TMEFF2: variants seen among roughly 807,000 people sequenced by gnomAD.
TMEFF2 encodes the protein tomoregulin-2.
In TMEFF2, 28 loss-of-function variants were observed where a neutral mutation model predicts 53.8. The observed-to-expected ratio is 0.52, with a 90% CI of 0.39 to 0.71. The LOEUF is 0.71. Ranked by LOEUF, TMEFF2 falls within the 30% of genes least tolerant of loss-of-function variation. The pLI is 0.00. For missense variants in TMEFF2, 353 were observed against 455.2 expected (o/e 0.78, Z 2.04); for synonymous variants, 162 against 166.3 (o/e 0.97, Z 0.20).
chr2:192,073,392 C>CA (rs1688335526), intron 4 of TMEFF2, among the ~76,000 whole-genome samples: 1 of 151,688 alleles, frequency 6.6e-6, no homozygotes, highest in Admixed American at 6.6e-5. Flanking sequence ...ACATATACTA[C>CA]ACATCAGTTT....
chr2:192,123,737 C>T (rs139302723), intron 4 of TMEFF2, among the ~76,000 whole-genome samples: 124 of 152,218 alleles, frequency 8.1e-4, no homozygotes, highest in Non-Finnish European at 1.5e-3. Flanking sequence ...TAAATTAGTC[C>T]TCTGAGTTAT....
At chr2:191,964,271 T>C (rs200066839) in intron 7 of TMEFF2, among the ~76,000 whole-genome samples, 3 of 130,080 alleles carry the variant, frequency 2.3e-5, no homozygotes, top group Non-Finnish European at 4.8e-5. Context: ...TTTCTTTTCT[T>C]TTTTCTTTTC....
chr2:191,999,385 A>T (rs1168506923), intron 5 of TMEFF2, among the ~76,000 whole-genome samples, 177 bp from the exon 6 acceptor site: 1 of 149,750 alleles, frequency 6.7e-6, no homozygotes, highest in East Asian at 2.0e-4. Flanking sequence ...ACACAGAACT[A>T]ATGGAAAATA....
intron 4 of TMEFF2, among the ~76,000 whole-genome samples, chr2:192,107,023 T>C (rs1689165665): frequency 2.0e-5 from 3 of 151,660 alleles, no homozygotes; most frequent in Admixed American, 1.3e-4. Flanking sequence ...CAGAGTAAAA[T>C]GTACGGTTTA....
At chr2:191,977,105 G>A (rs1559069242) in intron 7 of TMEFF2, among the ~76,000 whole-genome samples, 1 of 152,200 alleles carries the variant, frequency 6.6e-6, no homozygotes, top group Non-Finnish European at 1.5e-5. Context: ...ATTCTCAGAG[G>A]AAGGCTATCT....
chr2:192,091,578 A>G (rs1374706498), intron 4 of TMEFF2, among the ~76,000 whole-genome samples: 1 of 152,146 alleles, frequency 6.6e-6, no homozygotes, highest in Non-Finnish European at 1.5e-5. Context: ...CTAAACACAA[A>G]GAGCAAACAC....
chr2:191,956,205 T>C lies in TMEFF2; in HGVS notation c.869+50A>G, dbSNP rs556435362. The C allele has an allele frequency of 5.2e-6, 8 of 1,530,688 alleles. No individual in the cohort carries two copies. In the South Asian group the frequency reaches 1.0e-4, roughly 19 times the overall value. 94.8% of individuals were successfully genotyped at this position (1,530,688 alleles called of 1,614,324 possible). The stretch of plus-strand genomic sequence containing the variant: ...TTCTATAAACATCTACAATTTAGTT[T>C]CTACATATTAACTTTATACATTAAC... On this transcript the variant is annotated intron_variant, in intron 8 of 9. Transcript: ENST00000272771.
At chr2:191,986,465 A>G (rs1685976879) in intron 7 of TMEFF2, among the ~76,000 whole-genome samples, 1 of 152,210 alleles carries the variant, frequency 6.6e-6, no homozygotes, top group Non-Finnish European at 1.5e-5. Flanking sequence ...TTCTTTAGCC[A>G]GATGAATTTT....
chr2:192,046,300 G>A (rs865944008), intron 5 of TMEFF2, among the ~76,000 whole-genome samples: 2 of 152,160 alleles, frequency 1.3e-5, no homozygotes, highest in African/African-American at 4.8e-5. Flanking sequence ...GGAGGTGGAG[G>A]TTGCAGTGAA....
chr2:191,998,534 GAGA>G (rs922056981), intron 6 of TMEFF2, among the ~76,000 whole-genome samples: 2 of 151,818 alleles, frequency 1.3e-5, no homozygotes, highest in Admixed American at 6.6e-5. Flanking sequence ...TAAAGTTTGG[GAGA>G]AGAAGAAGAT....
At chr2:192,016,691 A>G (rs1686752221) in intron 5 of TMEFF2, among the ~76,000 whole-genome samples, 1 of 152,246 alleles carries the variant, frequency 6.6e-6, no homozygotes, top group Admixed American at 6.5e-5. Flanking sequence ...GCTATCCTCA[A>G]ATGAAATGAG....
chr2:192,089,980 T>C (rs1419603168), intron 4 of TMEFF2, among the ~76,000 whole-genome samples: 1 of 152,186 alleles, frequency 6.6e-6, no homozygotes, highest in Non-Finnish European at 1.5e-5. Flanking sequence ...TCTTGAGAAT[T>C]CTATCCATCC....
chr2:192,055,851 C>A (rs1322462301), intron 5 of TMEFF2, among the ~76,000 whole-genome samples: 1 of 150,924 alleles, frequency 6.6e-6, no homozygotes, highest in Non-Finnish European at 1.5e-5. Context: ...TTGTTTACCT[C>A]AAGATGGTCA....
At chr2:192,075,302 T>TAAATAA (rs1258473625) in intron 4 of TMEFF2, among the ~76,000 whole-genome samples, 16 of 38,088 alleles carry the variant, frequency 4.2e-4, no homozygotes, top group African/African-American at 1.0e-3. Context: ...TATATATATA[T>TAAATAA]ATATATATAT....
intron 7 of TMEFF2, among the ~76,000 whole-genome samples, chr2:191,980,569 T>C (rs914795708): frequency 2.0e-5 from 3 of 152,150 alleles, no homozygotes; most frequent in Non-Finnish European, 2.9e-5. Flanking sequence ...CCAGGGCTTC[T>C]TGTTATTTGC....
intron 4 of TMEFF2, among the ~76,000 whole-genome samples, chr2:192,159,898 C>T (rs1469277972): frequency 6.6e-6 from 1 of 152,098 alleles, no homozygotes. Context: ...AAAGTCTGAA[C>T]CAAGAACTTG....
rs182063770 is a variant in TMEFF2, at chr2:191,953,928, C to T, written c.870-91G>A. The T allele has an allele frequency of 8.2e-3, 8,723 of 1,062,962 alleles. 57 individuals are homozygous for T. The highest frequency in any genetic ancestry group is 0.01 in the Non-Finnish European group (7,952 of 795,032). The allele number at this position is 1,062,962 out of a possible 1,614,324, so 65.8% of individuals were successfully genotyped here. On this transcript the variant is annotated intron_variant, in intron 8 of 9. Coordinates refer to ENST00000272771, the MANE Select transcript of TMEFF2 (RefSeq NM_016192.4). The stretch of plus-strand genomic sequence containing the variant: ...TTTTTGAGACGGAGTCTCGCTCTGT[C>T]GCCCAGGCTGGAGTGCAGTGGCGCA...
At chr2:192,054,783 C>T (rs747094411) in intron 5 of TMEFF2, among the ~76,000 whole-genome samples, 5 of 152,082 alleles carry the variant, frequency 3.3e-5, no homozygotes, top group African/African-American at 7.2e-5. Flanking sequence ...ACTTTCACCT[C>T]GTATCTTCAT....
At chr2:191,954,063 A>G (rs1691985726) in intron 8 of TMEFF2, among the ~76,000 whole-genome samples, 1 of 151,346 alleles carries the variant, frequency 6.6e-6, no homozygotes. Flanking sequence ...AATTTTTTGT[A>G]TTTTTAGTAG....
Sources: allele counts gnomAD v4.1 joint callset (sites outside exome capture counted in the v4.1 genomes callset), GRCh38; gene constraint gnomAD v4.1.1; transcripts MANE v1.5; gene names NCBI Gene and HGNC (gene_info 2026-07-23, HGNC 2026-07-21).